UNC13B: variants seen among roughly 807,000 people sequenced by gnomAD.
The protein encoded by UNC13B is protein unc-13 homolog B.
A neutral mutation model predicts 211.0 loss-of-function variants in UNC13B; 144 were observed. That is an observed-to-expected ratio of 0.68 (90% CI 0.60 to 0.78). The LOEUF (loss-of-function observed/expected upper bound fraction) is 0.78, where lower values mean the gene tolerates loss of function less well. Among genes scored for constraint, UNC13B ranks in the 30% least tolerant of loss-of-function variants. The pLI is 0.00. For missense variants in UNC13B, 1,777 were observed against 2,002.0 expected, an observed-to-expected ratio of 0.89 and a Z score of 2.14; for synonymous variants, 709 against 725.8, an observed-to-expected ratio of 0.98 and a Z score of 0.37.
intron 1 of UNC13B, among the ~76,000 whole-genome samples, chr9:35,183,621 G>A (rs563119655): frequency 1.5e-4 from 21 of 140,902 alleles, no homozygotes; most frequent in African/African-American, 2.4e-4. Context: ...CAGACGGGGC[G>A]GCCGGGCAGA....
At chr9:35,165,957 C>A (rs980302139) in intron 1 of UNC13B, among the ~76,000 whole-genome samples, 4 of 152,102 alleles carry the variant, frequency 2.6e-5, no homozygotes, top group African/African-American at 9.7e-5. Flanking sequence ...TTTCTCCAAG[C>A]AATTATAAGC....
chr9:35,378,018 A>C (rs1834553947), intron 16 of UNC13B, among the ~76,000 whole-genome samples: 1 of 152,044 alleles, frequency 6.6e-6, no homozygotes, highest in African/African-American at 2.4e-5. Context: ...GTAGCTAACC[A>C]GTGGTTTGCT....
chr9:35,313,777 C>A, intron 10 of UNC13B, 122 bp from the exon 11 acceptor site: 1 of 722,218 alleles, frequency 1.4e-6, no homozygotes, highest in African/African-American at 1.7e-5. Flanking sequence ...GCCTGAATCA[C>A]TAAATAAGTG....
At chr9:35,225,031 C>T (rs1418891670) in intron 1 of UNC13B, among the ~76,000 whole-genome samples, 2 of 151,948 alleles carry the variant, frequency 1.3e-5, no homozygotes, top group African/African-American at 4.8e-5. Flanking sequence ...ATTAAAGGAA[C>T]ATACCTCAAC....
In UNC13B at chr9:35,368,514, G is replaced by A. The variant is rs538821219; in HGVS notation, c.9461+1521G>A. 3.9e-5 allele frequency among the ~76,000 whole-genome samples: 6 copies of A among 152,214 alleles called. No individual in the cohort carries two copies. The East Asian group carries it at 1.2e-3, about 29-fold the overall frequency. On this transcript the variant is annotated intron_variant, in intron 12 of 39. Coordinates refer to ENST00000635942, the MANE Select transcript of UNC13B (RefSeq NM_001371189.2). ...TTGCTATTGTGAATAATGCTGCAGC[G>A]AACATACTCATCCATCTGTCTTTAT...
intron 35 of UNC13B, 85 bp from the exon 36 acceptor site, chr9:35,399,564 G>T: frequency 6.3e-7 from 1 of 1,598,414 alleles, no homozygotes; most frequent in African/African-American, 1.3e-5. Context: ...AGGAGGAGAT[G>T]AATATGCACT....
intron 9 of UNC13B, among the ~76,000 whole-genome samples, chr9:35,309,299 A>G (rs967141707): frequency 2.0e-5 from 3 of 151,488 alleles, no homozygotes; most frequent in Admixed American, 1.3e-4. Context: ...TTGTGTGTTG[A>G]ACTACTCAGA....
intron 7 of UNC13B, among the ~76,000 whole-genome samples, chr9:35,277,337 C>A (rs976385211): frequency 2.6e-5 from 4 of 152,196 alleles, no homozygotes; most frequent in African/African-American, 9.6e-5. Context: ...GACTACTAGA[C>A]TCATATTCAG....
In UNC13B at chr9:35,396,895, G is replaced by A. The variant is rs150463951; in HGVS notation, c.11490G>A (p.Leu3830=). The A allele has an allele frequency of 6.2e-7, 1 of 1,614,164 alleles. No homozygotes were observed. The highest frequency in any genetic ancestry group is 1.3e-5 in the African/African-American group (1 of 75,046). ...TGGATGAGAATGAGGATGTATCCCT[G>A]GAATTCCTGCGTGGGGCCCTGGAAC... The part of the protein sequence containing the change: ...QWLDENEDVS[L]EFLRGALERD... Residue 3830 remains leucine, a synonymous_variant, in exon 28 of 40, where the codon CTG becomes CTA. Coordinates refer to ENST00000635942, the MANE Select transcript of UNC13B (RefSeq NM_001371189.2).
At chr9:35,398,710 C>G in intron 32 of UNC13B, 68 bp downstream of exon 32, 1 of 1,580,202 alleles carries the variant, frequency 6.3e-7, no homozygotes, top group Non-Finnish European at 8.7e-7. Flanking sequence ...AGAGCCCTTG[C>G]CCCACACCTC....
At chr9:35,403,404 G>C in intron 38 of UNC13B, 36 bp from the exon 39 acceptor site, 1 of 1,610,460 alleles carries the variant, frequency 6.2e-7, no homozygotes, top group Non-Finnish European at 8.5e-7. Context: ...GGGAAATCCT[G>C]GTGGGATCCC....
intron 7 of UNC13B, among the ~76,000 whole-genome samples, chr9:35,273,906 T>TA: frequency 6.6e-6 from 1 of 152,300 alleles, no homozygotes; most frequent in East Asian, 1.9e-4. Context: ...TGGTCCAGGA[T>TA]ACCTTTCTTT....
chr9:35,170,966 A>G (rs1482072526), intron 1 of UNC13B, among the ~76,000 whole-genome samples: 1 of 151,970 alleles, frequency 6.6e-6, no homozygotes, highest in Non-Finnish European at 1.5e-5. Flanking sequence ...GTGCAACCAT[A>G]CATGGCTAAT....
At chr9:35,329,114 C>A (rs1219431303) in intron 11 of UNC13B, among the ~76,000 whole-genome samples, 1 of 152,004 alleles carries the variant, frequency 6.6e-6, no homozygotes, top group East Asian at 1.9e-4. Context: ...ATATCTGATA[C>A]CACTGAGTTC....
At chr9:35,193,857 G>A (rs1822795836) in intron 1 of UNC13B, among the ~76,000 whole-genome samples, 2 of 152,078 alleles carry the variant, frequency 1.3e-5, no homozygotes, top group Admixed American at 1.3e-4. Flanking sequence ...TGGGAAGCTA[G>A]GCTGTTTTTG....
intron 1 of UNC13B, among the ~76,000 whole-genome samples, chr9:35,197,309 G>A (rs1009261657): frequency 1.3e-5 from 2 of 152,044 alleles, no homozygotes; most frequent in African/African-American, 2.4e-5. Context: ...CCAGGTTCAA[G>A]CAATCCTCCC....
chr9:35,167,859 C>T (rs995340986), intron 1 of UNC13B, among the ~76,000 whole-genome samples: 19 of 151,038 alleles, frequency 1.3e-4, no homozygotes, highest in African/African-American at 4.4e-4. Flanking sequence ...CTCCTCGGCC[C>T]CCCAGAGTGC....
chr9:35,345,686 GA>G lies in UNC13B; in HGVS notation c.9415-21260del, dbSNP rs944440028. Among the ~76,000 whole-genome samples, 55 of 152,288 alleles carry G rather than the reference GA, an allele frequency of 3.6e-4. 1 individual carries two copies. The highest frequency in any genetic ancestry group is 1.2e-3 in the African/African-American group (50 of 41,554). On this transcript the variant is annotated intron_variant, in intron 11 of 39. Transcript: ENST00000635942. Reference sequence around the variant, plus strand: ...TTGTCATGGGTTAGATTCTGGGTGTGATTGTATTTGTTGTATGCTTTGTTAT... The same window carrying G: ...TTGTCATGGGTTAGATTCTGGGTGTGTTGTATTTGTTGTATGCTTTGTTAT...
Position 35,303,742 on chromosome 9 carries a change from G to A in UNC13B, c.4338G>A (p.Val1446=). Residue 1446 remains valine, a synonymous_variant, in exon 9 of 40, where the codon GTG becomes GTA. Coordinates refer to ENST00000635942, the MANE Select transcript of UNC13B (RefSeq NM_001371189.2). ...FNEDYLLRGD[V]WAANSLYGNS... is the part of the protein sequence containing the mutation. ...AAGATTACTTATTAAGAGGTGATGT[G>A]TGGGCAGCTAACTCATTATATGGAA... 5.0e-6 allele frequency: 2 copies of A among 398,714 alleles called. No individual in the cohort carries two copies. The highest frequency in any genetic ancestry group is 4.4e-6 in the Non-Finnish European group (1 of 225,826). 24.7% of individuals were successfully genotyped at this position (398,714 alleles called of 1,614,324 possible). A position where few individuals can be genotyped will look rare whatever the true frequency, so the allele number is the denominator to read the frequency against.
Sources: gnomAD v4.1 joint callset for allele counts (sites outside exome capture counted in the v4.1 genomes callset) on GRCh38, gnomAD v4.1.1 for gene constraint, MANE v1.5 for transcripts, NCBI Gene and HGNC (gene_info 2026-07-23, HGNC 2026-07-21) for gene names.